PCDHGA8: variants seen among roughly 807,000 people sequenced by gnomAD.
PCDHGA8 encodes protocadherin gamma subfamily A, 8, also known as protocadherin gamma-A8.
In PCDHGA8, 45 loss-of-function variants were observed where a neutral mutation model predicts 59.2. The observed-to-expected ratio is 0.76, with a 90% confidence interval of 0.60 to 0.98. The LOEUF (loss-of-function observed/expected upper bound fraction) is 0.98. PCDHGA8 is among the 50% of genes least tolerant of loss of function. PCDHGA8 has a pLI of 0.00. For synonymous variants in PCDHGA8, 531 were observed against 519.0 expected, an observed-to-expected ratio of 1.02 and a Z score of -0.32; for missense variants, 1,257 against 1,196.2, an observed-to-expected ratio of 1.05 and a Z score of -0.75.
chr5:141,489,896 C>T lies in PCDHGA8; in HGVS notation c.2425-4911C>T, dbSNP rs765318875. 3 of 1,614,180 alleles carry T rather than the reference C, an allele frequency of 1.9e-6. No homozygotes were observed. The highest frequency in any genetic ancestry group is 1.3e-5 in the African/African-American group (1 of 75,066). On this transcript the variant is annotated intron_variant, in intron 1 of 3. Coordinates refer to ENST00000398604, the MANE Select transcript of PCDHGA8 (RefSeq NM_032088.2). The surrounding 1 kb of genome is among the most constrained non-coding windows in gnomAD (Gnocchi z 4.5). ...GTGCTTACTGCTGTGGATGGGGGGA[C>T]CCCAGCCCGCTCAGGGACCACCCTT...
At chr5:141,406,267 G>A (rs2094786630) in intron 1 of PCDHGA8, among the ~76,000 whole-genome samples, 1 of 151,854 alleles carries the variant, frequency 6.6e-6, no homozygotes, top group African/African-American at 2.4e-5. Context: ...CGATCTTCCT[G>A]CTTCAGTTTC....
intron 1 of PCDHGA8, among the ~76,000 whole-genome samples, chr5:141,459,646 T>C (rs2098972004): frequency 6.6e-6 from 1 of 152,266 alleles, no homozygotes; most frequent in Non-Finnish European, 1.5e-5. Context: ...TTTTTCAAAA[T>C]GGTAATATCA....
At chr5:141,409,592 A>G in intron 1 of PCDHGA8, 1 of 1,613,898 alleles carries the variant, frequency 6.2e-7, no homozygotes, top group African/African-American at 1.3e-5. Flanking sequence ...CGTGGCCGAG[A>G]ACAACCCGCC....
intron 2 of PCDHGA8, among the ~76,000 whole-genome samples, chr5:141,502,787 G>T (rs2099816081): frequency 6.6e-6 from 1 of 151,394 alleles, no homozygotes; most frequent in African/African-American, 2.4e-5. Flanking sequence ...TTACCTGGAT[G>T]ATTTCTTCAG....
intron 1 of PCDHGA8, chr5:141,478,935 A>G: frequency 1.6e-6 from 1 of 638,574 alleles, no homozygotes. Flanking sequence ...GGCAGCTTCT[A>G]GGAATACAAA....
At chr5:141,420,341 G>A in intron 1 of PCDHGA8, 5 of 1,391,412 alleles carry the variant, frequency 3.6e-6, no homozygotes, top group Middle Eastern at 1.9e-4. Context: ...CAATATAGTG[G>A]TATTATTTTA....
chr5:141,448,179 G>C (rs763996329), intron 1 of PCDHGA8, among the ~76,000 whole-genome samples: 1 of 151,982 alleles, frequency 6.6e-6, no homozygotes, highest in Non-Finnish European at 1.5e-5. Context: ...ATTCATCCCT[G>C]GTTATGTACA....
rs750033444 is a variant in PCDHGA8 at position 141,432,950 on chromosome 5, G to C, written c.2424+37713G>C. 1.2e-6 allele frequency: 2 copies of C among 1,614,190 alleles called. No homozygotes were observed. The highest frequency in any genetic ancestry group is 1.7e-6 in the Non-Finnish European group (2 of 1,180,032). ...ACGCCTGCTGCAGGCTTCAGGAGGC[G>C]GCTTGACAGGAGCGCCGGCGTCGCA... On this transcript the variant is annotated intron_variant, in intron 1 of 3. Transcript: ENST00000398604. The surrounding 1 kb of genome is among the most constrained non-coding windows in gnomAD (Gnocchi z 6.0).
At chr5:141,462,542 T>C (rs910054469) in intron 1 of PCDHGA8, among the ~76,000 whole-genome samples, 1 of 152,222 alleles carries the variant, frequency 6.6e-6, no homozygotes, top group Non-Finnish European at 1.5e-5. Flanking sequence ...AGTGATCTTT[T>C]CTTCTTCAGT....
At chr5:141,449,567 C>T (rs1412647192) in intron 1 of PCDHGA8, among the ~76,000 whole-genome samples, 2 of 133,846 alleles carry the variant, frequency 1.5e-5, no homozygotes, top group Non-Finnish European at 3.1e-5. Context: ...CCAGCCTGGG[C>T]GACAGAGCAA....
chr5:141,469,376 A>T (rs572466149), intron 1 of PCDHGA8, among the ~76,000 whole-genome samples: 1 of 152,232 alleles, frequency 6.6e-6, no homozygotes, highest in East Asian at 1.9e-4. Flanking sequence ...AGAGATCGAG[A>T]CCATCCTGGC....
chr5:141,428,204 C>G, intron 1 of PCDHGA8: 2 of 1,324,722 alleles, frequency 1.5e-6, no homozygotes, highest in Non-Finnish European at 1.1e-6. Context: ...TGCGCCGCTA[C>G]GCTTCACCTA....
chr5:141,442,343 G>C (rs1300318674), intron 1 of PCDHGA8: 1 of 152,336 alleles, frequency 6.6e-6, no homozygotes, highest in Non-Finnish European at 1.5e-5. Flanking sequence ...CAGGTTTCTG[G>C]GTAACTGTAG....
intron 1 of PCDHGA8, among the ~76,000 whole-genome samples, chr5:141,443,873 T>A (rs1250320938): frequency 6.6e-6 from 1 of 152,100 alleles, no homozygotes; most frequent in Non-Finnish European, 1.5e-5. Context: ...AAATTACTGA[T>A]AAGTCAAGAG....
chr5:141,417,842 C>G (rs1247720013), intron 1 of PCDHGA8: 2 of 1,537,166 alleles, frequency 1.3e-6, no homozygotes, highest in Admixed American at 2.0e-5. Flanking sequence ...GGGGACCCAG[C>G]GAGAACCCGA....
chr5:141,421,817 T>A (rs375019903), intron 1 of PCDHGA8: 34 of 1,613,662 alleles, frequency 2.1e-5, no homozygotes, highest in Non-Finnish European at 2.8e-5. Context: ...GAGCTAGTAC[T>A]GGAGGGAAGC....
chr5:141,460,224 T>C (rs986301555), intron 1 of PCDHGA8, among the ~76,000 whole-genome samples: 1 of 152,168 alleles, frequency 6.6e-6, no homozygotes, highest in African/African-American at 2.4e-5. Context: ...GTTGTGTCTT[T>C]TGAAGAGCAG....
intron 1 of PCDHGA8, chr5:141,396,354 C>T (rs1285916157): frequency 6.6e-6 from 1 of 152,456 alleles, no homozygotes; most frequent in East Asian, 1.9e-4. Context: ...TGCGGTGGCT[C>T]ACGCCTGTAA....
chr5:141,429,910 T>C (rs2097252047), intron 1 of PCDHGA8, among the ~76,000 whole-genome samples: 1 of 152,230 alleles, frequency 6.6e-6, no homozygotes, highest in East Asian at 1.9e-4. Context: ...TTTTGAAATA[T>C]AATGTATTAA....
Sources: gnomAD v4.1 joint callset for allele counts (sites outside exome capture counted in the v4.1 genomes callset) on GRCh38, gnomAD v4.1.1 for gene constraint, Gnocchi (gnomAD v3.1) non-coding constraint, MANE v1.5 for transcripts, NCBI Gene and HGNC (gene_info 2026-07-23, HGNC 2026-07-21) for gene names.